Variants in SHROOM4 observed in about 807,000 individuals in gnomAD.
SHROOM4 encodes protein Shroom4.
A neutral mutation model predicts 80.3 loss-of-function variants in SHROOM4; 17 were observed. The ratio of observed to expected loss-of-function variants is 0.21; its 90% CI spans 0.14 to 0.32. SHROOM4 has a LOEUF of 0.32. Among genes scored for constraint, SHROOM4 ranks in the 10% least tolerant of loss-of-function variants. The pLI, the probability that SHROOM4 is intolerant of heterozygous loss-of-function variation, is 1.00. For synonymous variants in SHROOM4, 400 were observed against 437.5 expected (o/e 0.91, Z 1.07); for missense variants, 993 against 1,140.3 (o/e 0.87, Z 1.86).
Position 50,596,785 on chromosome X carries a change from T to C in SHROOM4, c.4392A>G (p.Glu1464=). ...FVKMKSALII[E]QRELEEKIKL... ...TGATCTTCTCCTCCAGCTCTCGCTGTTCAATGATGAGAGCAGATTTCATCT... is the reference window on the plus strand; with the variant it reads ...TGATCTTCTCCTCCAGCTCTCGCTGCTCAATGATGAGAGCAGATTTCATCT... Residue 1464 remains glutamate, a synonymous_variant, in exon 9 of 9, where the codon GAA becomes GAG. Coordinates refer to ENST00000376020, the MANE Select transcript of SHROOM4 (RefSeq NM_020717.5). 8.3e-7 allele frequency: 1 copy of C among 1,211,973 alleles called. No homozygotes were observed. The highest frequency in any genetic ancestry group is 1.1e-6 in the Non-Finnish European group (1 of 895,512).
At chrX:50,755,059 A>G (rs1194315035) in intron 1 of SHROOM4, among the ~76,000 whole-genome samples, 1 of 112,411 alleles carries the variant, frequency 8.9e-6, no homozygotes, top group Non-Finnish European at 1.9e-5. Context: ...CACAGTTAGT[A>G]TTCCAGAAGC....
intron 1 of SHROOM4, among the ~76,000 whole-genome samples, chrX:50,697,508 A>G (rs927068049): frequency 8.9e-6 from 1 of 112,126 alleles, no homozygotes. Context: ...GATTTTTTAA[A>G]CTCCATCGAA....
rs1933351919 is a variant in SHROOM4, at chrX:50,695,777, G to A, written c.269+9C>T. 1 of 1,211,218 alleles carries A rather than the reference G, an allele frequency of 8.3e-7. No individual in the cohort carries two copies. Among genetic ancestry groups the A allele is most frequent in the South Asian group, 1.8e-5 (1 of 56,939 alleles). ...TCTGCACCTTACGGAGAATCTCCCT[G>A]TACCTTACCTCCTGACAATCAGCTT... On this transcript the variant is annotated intron_variant, in intron 2 of 8. Coordinates refer to ENST00000376020, the MANE Select transcript of SHROOM4 (RefSeq NM_020717.5).
intron 1 of SHROOM4, among the ~76,000 whole-genome samples, chrX:50,773,385 T>C (rs1281252928): frequency 8.9e-6 from 1 of 112,092 alleles, no homozygotes; most frequent in African/African-American, 3.2e-5. Context: ...GAGGTCATCT[T>C]AGAGCTAGAA....
At chrX:50,679,280 C>G (rs1932896287) in intron 2 of SHROOM4, among the ~76,000 whole-genome samples, 1 of 111,418 alleles carries the variant, frequency 9.0e-6, no homozygotes, top group Non-Finnish European at 1.9e-5. Flanking sequence ...CATCACCAAC[C>G]TACCTTGCCT....
At chrX:50,684,721 A>G (rs112134225) in intron 2 of SHROOM4, among the ~76,000 whole-genome samples, 4,346 of 111,802 alleles carry the variant, frequency 0.039, 224 homozygotes, top group African/African-American at 0.14. Context: ...TGCCTGAAAA[A>G]GGGAGAGTGG....
At chrX:50,806,232 ACTT>A (rs1254956267) in intron 1 of SHROOM4, among the ~76,000 whole-genome samples, 5 of 112,050 alleles carry the variant, frequency 4.5e-5, no homozygotes, top group African/African-American at 1.6e-4. Context: ...ACTAGGCAGT[ACTT>A]GTGTTGCGAT....
chrX:50,793,360 T>C (rs59437744), intron 1 of SHROOM4, among the ~76,000 whole-genome samples: 10,330 of 109,917 alleles, frequency 0.094, 909 homozygotes, highest in African/African-American at 0.28. Context: ...ACAAATCTGC[T>C]GTACAACATT....
At chrX:50,601,944 G>A (rs1437984365) in intron 7 of SHROOM4, among the ~76,000 whole-genome samples, 1 of 111,664 alleles carries the variant, frequency 9.0e-6, no homozygotes, top group Non-Finnish European at 1.9e-5. Flanking sequence ...CAGAGAGACA[G>A]CATGTACTGT....
At chrX:50,788,391 A>G (rs1480236455) in intron 1 of SHROOM4, among the ~76,000 whole-genome samples, 10 of 111,816 alleles carry the variant, frequency 8.9e-5, no homozygotes, top group African/African-American at 3.2e-4. Context: ...TTACAAAACA[A>G]GAAAAAAGAA....
chrX:50,736,374 T>C (rs1352823668), intron 1 of SHROOM4, among the ~76,000 whole-genome samples: 1 of 111,079 alleles, frequency 9.0e-6, no homozygotes, highest in Non-Finnish European at 1.9e-5. Flanking sequence ...AAGCCCAGCG[T>C]GCATTAGCTG....
At chrX:50,745,318 A>G (rs1934750350) in intron 1 of SHROOM4, among the ~76,000 whole-genome samples, 1 of 111,647 alleles carries the variant, frequency 9.0e-6, no homozygotes, top group South Asian at 3.8e-4. Context: ...TTCTAAAGTC[A>G]GTCAGTCCCC....
intron 4 of SHROOM4, 94 bp downstream of exon 4, chrX:50,633,084 G>A (rs1557254465): frequency 3.4e-6 from 3 of 886,070 alleles, no homozygotes; most frequent in African/African-American, 4.0e-5. Flanking sequence ...ACAGTTTCAA[G>A]GAATTATAAT....
At chrX:50,743,333 G>A (rs782151515) in intron 1 of SHROOM4, among the ~76,000 whole-genome samples, 1 of 111,601 alleles carries the variant, frequency 9.0e-6, no homozygotes, top group African/African-American at 3.3e-5. Context: ...TCAACTAAGA[G>A]AAGAGGGAGA....
intron 1 of SHROOM4, among the ~76,000 whole-genome samples, chrX:50,712,231 C>A (rs1440001165): frequency 1.8e-5 from 2 of 111,310 alleles, no homozygotes; most frequent in Non-Finnish European, 3.8e-5. Context: ...TGGGCCACGA[C>A]CTTATATTAT....
intron 1 of SHROOM4, among the ~76,000 whole-genome samples, chrX:50,716,850 C>T (rs781969759): frequency 2.7e-5 from 3 of 112,532 alleles, no homozygotes; most frequent in South Asian, 3.7e-4. Flanking sequence ...CCTTGATACC[C>T]GCTGACAGTC....
chrX:50,740,335 A>C (rs1934623332), intron 1 of SHROOM4, among the ~76,000 whole-genome samples: 1 of 111,962 alleles, frequency 8.9e-6, no homozygotes, highest in South Asian at 3.8e-4. Context: ...ATAATTTAAA[A>C]AAACTGTTAT....
At position 50,607,772 on chromosome X, in the gene SHROOM4, GCTGCTT is replaced by G. The variant is rs2147231566; in HGVS notation, c.3364_3369del (p.Lys1122_Gln1123del). 2 of 1,205,084 alleles carry G rather than the reference GCTGCTT, an allele frequency of 1.7e-6. No homozygotes were observed. The highest frequency in any genetic ancestry group is 1.8e-5 in the African/African-American group (1 of 56,826). On this transcript the variant is annotated inframe_deletion, in exon 6 of 9. Transcript: ENST00000376020. ...TCCTGTTGCTTCTGCTGCTGCTGTTGCTGCTTCTGCTGCTGGGCTGCACGAAAGAGC... is the reference window on the plus strand; with the variant it reads ...TCCTGTTGCTTCTGCTGCTGCTGTTGCTGCTGCTGGGCTGCACGAAAGAGC...
intron 2 of SHROOM4, among the ~76,000 whole-genome samples, chrX:50,693,863 C>T (rs73634242): frequency 2.4e-3 from 261 of 110,754 alleles, no homozygotes; most frequent in Middle Eastern, 0.023. Context: ...CCATCATCAA[C>T]CTCTCTTCAA....
Sources: gnomAD v4.1 joint callset for allele counts (sites outside exome capture counted in the v4.1 genomes callset) on GRCh38, gnomAD v4.1.1 for gene constraint, MANE v1.5 for transcripts, NCBI Gene and HGNC (gene_info 2026-07-23, HGNC 2026-07-21) for gene names.